PSMD9: variants seen among roughly 807,000 people sequenced by gnomAD.
The protein encoded by PSMD9 is 26S proteasome non-ATPase regulatory subunit 9.
In PSMD9, 26 loss-of-function variants were observed where a neutral mutation model predicts 25.9. That is an observed-to-expected ratio of 1.00 (90% confidence interval 0.73 to 1.39). PSMD9 has a LOEUF of 1.39. Ranked by LOEUF, PSMD9 falls within the 40% of genes most tolerant of loss-of-function variation. The pLI is 0.00. For missense variants in PSMD9, 303 were observed against 299.3 expected (o/e 1.01, Z -0.09); for synonymous variants, 110 against 114.5 (o/e 0.96, Z 0.25).
At chr12:121,915,759 A>T in intron 4 of PSMD9, 97 bp from the exon 5 acceptor site, 1 of 1,043,340 alleles carries the variant, frequency 9.6e-7, no homozygotes, top group Non-Finnish European at 1.4e-6. Context: ...GTAAATCTTT[A>T]CCAATTTGAT....
chr12:121,894,797 A>T lies in PSMD9; in HGVS notation c.197A>T (p.Asp66Val), dbSNP rs1202062993. Residue 66 changes from aspartate to valine, a missense_variant, in exon 2 of 6, where the codon GAC (aspartate) becomes GTC (valine). Coordinates refer to ENST00000541212, the MANE Select transcript of PSMD9 (RefSeq NM_002813.7). ...LVDCEGYPRSDVDLYQVRTAR... is the reference protein window; with the variant it reads ...LVDCEGYPRSVVDLYQVRTAR... The stretch of plus-strand genomic sequence containing the variant: ...GACTGTGAGGGCTACCCCCGGTCAG[A>T]CGTGGACCTGTACCAAGTCCGCACC... 1 of 1,614,118 alleles carries T rather than the reference A, an allele frequency of 6.2e-7. No homozygotes were observed. Among genetic ancestry groups the T allele is most frequent in the African/African-American group, 1.3e-5 (1 of 75,060 alleles).
intron 1 of PSMD9, chr12:121,893,755 C>G (rs1290341593): frequency 1.3e-5 from 2 of 152,210 alleles, no homozygotes; most frequent in African/African-American, 4.8e-5. Flanking sequence ...ATGAGCTTAT[C>G]TCGAGATCCT....
At chr12:121,911,636 T>G (rs539112017) in intron 4 of PSMD9, among the ~76,000 whole-genome samples, 1 of 151,788 alleles carries the variant, frequency 6.6e-6, no homozygotes, top group South Asian at 2.1e-4. Flanking sequence ...TTTCTAAAAT[T>G]TTTTTTAACT....
intron 4 of PSMD9, among the ~76,000 whole-genome samples, chr12:121,910,681 AC>A (rs1879693835): frequency 6.6e-6 from 1 of 151,094 alleles, no homozygotes; most frequent in African/African-American, 2.4e-5. Context: ...AATTGCCTGA[AC>A]CCGGGAGGCA....
chr12:121,893,039 A>G (rs1255166396), intron 1 of PSMD9, among the ~76,000 whole-genome samples: 1 of 152,188 alleles, frequency 6.6e-6, no homozygotes, highest in Admixed American at 6.6e-5. Flanking sequence ...TGCCTTGACA[A>G]TTGCAGGATT....
chr12:121,894,656 C>T, intron 1 of PSMD9, 83 bp from the exon 2 acceptor site: 10 of 1,184,208 alleles, frequency 8.4e-6, no homozygotes, highest in Non-Finnish European at 1.2e-5. Flanking sequence ...TTTATTATGA[C>T]TTCAGAGGAG....
At chr12:121,916,062 T>C (rs1879891826) in intron 5 of PSMD9, 118 bp downstream of exon 5, 1 of 1,242,432 alleles carries the variant, frequency 8.0e-7, no homozygotes, top group Non-Finnish European at 1.2e-6. Context: ...CCAGTTTGCA[T>C]GGAAACTGCA....
chr12:121,898,503 T>C (rs1004410504), intron 2 of PSMD9: 5 of 151,808 alleles, frequency 3.3e-5, no homozygotes, highest in African/African-American at 9.7e-5. Flanking sequence ...CTCCCTCTCC[T>C]GGACTGAATG....
intron 2 of PSMD9, among the ~76,000 whole-genome samples, chr12:121,896,029 GGAGTCTC>G (rs1029693967): frequency 3.0e-4 from 46 of 151,356 alleles, no homozygotes; most frequent in African/African-American, 1.1e-3. Context: ...TTTTTGAGAC[GGAGTCTC>G]GCTCTGTCAC....
chr12:121,889,053 C>T (rs1294642052), intron 1 of PSMD9, 59 bp downstream of exon 1: 64 of 1,531,570 alleles, frequency 4.2e-5, no homozygotes, highest in Non-Finnish European at 5.7e-5. Flanking sequence ...CCCTGGGGTA[C>T]TGGGATGCCA....
At chr12:121,896,997 A>G (rs1205379801) in intron 2 of PSMD9, among the ~76,000 whole-genome samples, 1 of 152,152 alleles carries the variant, frequency 6.6e-6, no homozygotes, top group Non-Finnish European at 1.5e-5. Context: ...ATGTGTATGT[A>G]AAATATACAC....
chr12:121,916,441 G>C lies in PSMD9; in HGVS notation c.*130G>C. 8.5e-7 allele frequency: 1 copy of C among 1,178,920 alleles called. No homozygotes were observed. Among genetic ancestry groups the C allele is most frequent in the South Asian group, 1.2e-5 (1 of 81,104 alleles). The allele number at this position is 1,178,920 out of a possible 1,614,324, so 73.0% of individuals were successfully genotyped here. On this transcript the variant is annotated 3_prime_UTR_variant, in exon 6 of 6. Transcript: ENST00000541212. ...AGGCTTGTAACCTGAACTTCTGTGT[G>C]GTGGCAGTACTGTGGCCCACCAGTG...
chr12:121,902,843 C>T, intron 3 of PSMD9, 163 bp from the exon 4 acceptor site: 1 of 591,544 alleles, frequency 1.7e-6, no homozygotes, highest in East Asian at 3.0e-5. Context: ...ACCCACTGCC[C>T]CTTCCTGCAT....
rs1879625580 is a variant in PSMD9 at position 121,908,503 on chromosome 12, T to C, written c.555+5396T>C. Among the ~76,000 whole-genome samples the C allele has an allele frequency of 3.9e-5, 6 of 152,164 alleles. 1 individual carries two copies. Among genetic ancestry groups the C allele is most frequent in the Admixed American group, 3.9e-4 (6 of 15,246 alleles). On this transcript the variant is annotated intron_variant, in intron 4 of 5. Transcript: ENST00000541212. ...CCCAAAATAATTTTTTAAAAAGTCC[T>C]GTGTCTCTCCCTTCCTTAGTGCCTC...
At chr12:121,896,449 G>A (rs1021339467) in intron 2 of PSMD9, among the ~76,000 whole-genome samples, 3 of 150,330 alleles carry the variant, frequency 2.0e-5, no homozygotes, top group Admixed American at 6.6e-5. Context: ...CACCCTGGGC[G>A]ACAGAGCAAA....
intron 1 of PSMD9, among the ~76,000 whole-genome samples, chr12:121,893,316 G>A (rs761842789): frequency 6.6e-6 from 1 of 152,210 alleles, no homozygotes; most frequent in African/African-American, 2.4e-5. Context: ...CAGTAGGTTT[G>A]GGTGTAACCC....
intron 4 of PSMD9, among the ~76,000 whole-genome samples, chr12:121,905,723 G>C (rs560991567): frequency 2.0e-5 from 3 of 151,648 alleles, no homozygotes; most frequent in Admixed American, 1.3e-4. Flanking sequence ...GTAGAGACAG[G>C]GTTTCAGCAT....
chr12:121,901,050 C>T (rs540142488), intron 3 of PSMD9, among the ~76,000 whole-genome samples: 13 of 151,732 alleles, frequency 8.6e-5, no homozygotes, highest in African/African-American at 3.1e-4. Context: ...GTCTCCATCT[C>T]CTGGGCTCAA....
chr12:121,908,950 C>T (rs1325402494), intron 4 of PSMD9, among the ~76,000 whole-genome samples: 1 of 151,912 alleles, frequency 6.6e-6, no homozygotes, highest in Non-Finnish European at 1.5e-5. Flanking sequence ...GGCCTGTGGT[C>T]CTTAGTAAAG....
Sources: allele counts gnomAD v4.1 joint callset (sites outside exome capture counted in the v4.1 genomes callset), GRCh38; gene constraint gnomAD v4.1.1; transcripts MANE v1.5; gene names NCBI Gene and HGNC (gene_info 2026-07-23, HGNC 2026-07-21).